Variants in CALN1 observed in about 807,000 individuals in gnomAD.
The protein encoded by CALN1 is calcium-binding protein 8.
A neutral mutation model predicts 30.6 loss-of-function variants in CALN1; 17 were observed. The observed-to-expected ratio is 0.56, with a 90% CI of 0.38 to 0.83. CALN1 has a LOEUF of 0.83. CALN1 is among the 40% of genes least tolerant of loss of function. The pLI, the probability that CALN1 is intolerant of heterozygous loss-of-function variation, is 0.00. For missense variants in CALN1, 291 were observed against 354.9 expected (o/e 0.82, Z 1.45); for synonymous variants, 156 against 131.4 (o/e 1.19, Z -1.28).
intron 5 of CALN1, among the ~76,000 whole-genome samples, chr7:71,823,186 C>G (rs28448269): frequency 7.1e-6 from 1 of 141,750 alleles, no homozygotes; most frequent in Non-Finnish European, 1.5e-5. Context: ...GTCTCTCTCT[C>G]TTTTTTTTTT....
the CALN1 span, among the ~76,000 whole-genome samples, chr7:72,485,945 T>C: frequency 2.6e-5 from 4 of 152,154 alleles, no homozygotes; most frequent in African/African-American, 7.2e-5. Flanking sequence ...AGTGAGCATA[T>C]GTTCTTTTTT....
intron 5 of CALN1, among the ~76,000 whole-genome samples, chr7:71,894,439 A>AT (rs148294764): frequency 6.6e-5 from 10 of 151,780 alleles, no homozygotes; most frequent in African/African-American, 1.2e-4. Context: ...TAATTTTTAA[A>AT]TTTTTTTTGT....
rs372145668 is a variant in CALN1, at chr7:72,412,296, G to T, written c.-312C>A. ...GTAAGCTTTATTAAGAAGCAGGAAA[G>T]AAAAAAACACAAACTCAAGCGGATA... is the stretch of plus-strand genomic sequence containing the variant. On this transcript the variant is annotated 5_prime_UTR_variant, in exon 1 of 7. Coordinates refer to ENST00000395275, the MANE Select transcript of CALN1 (RefSeq NM_031468.4). The T allele has an allele frequency of 1.3e-5, 2 of 152,106 alleles. No individual in the cohort carries two copies. Among genetic ancestry groups the T allele is most frequent in the Admixed American group, 1.3e-4 (2 of 15,274 alleles). The allele number at this position is 152,106 out of a possible 1,614,324, so 9.4% of individuals were successfully genotyped here.
chr7:72,500,277 T>TTTTTTTTTTTTTTG, the CALN1 span, among the ~76,000 whole-genome samples: 1 of 67,410 alleles, frequency 1.5e-5, no homozygotes, highest in Non-Finnish European at 3.0e-5. Context: ...TTCTTTTTTT[T>TTTTTTTTTTTTTTG]TTTTTTTTTT....
chr7:72,403,444 T>G lies in CALN1; in HGVS notation c.-73-2A>C. On this transcript the variant is annotated splice_acceptor_variant, in intron 1 of 6. Transcript: ENST00000395275. LOFTEE classifies it low-confidence loss of function (5UTR_SPLICE). ...AACGTCAGCGAAGGCACTGAGACTC[T>G]GAAAGGAGTTGACAGAAACTTACAG... 1 of 1,192,252 alleles carries G rather than the reference T, an allele frequency of 8.4e-7. No individual in the cohort carries two copies. The highest frequency in any genetic ancestry group is 1.2e-6 in the Non-Finnish European group (1 of 853,750). 73.9% of individuals were successfully genotyped at this position (1,192,252 alleles called of 1,614,324 possible). A position where few individuals can be genotyped will look rare whatever the true frequency, so the allele number is the denominator to read the frequency against.
intron 5 of CALN1, among the ~76,000 whole-genome samples, chr7:71,847,856 A>AAGAAGAACT (rs1554353779): frequency 6.6e-6 from 1 of 151,048 alleles, no homozygotes; most frequent in African/African-American, 2.4e-5. Context: ...GGAGAAGAAG[A>AAGAAGAACT]AGAGGAAAGT....
intron 5 of CALN1, among the ~76,000 whole-genome samples, chr7:71,985,765 T>C (rs551525359): frequency 6.6e-6 from 1 of 151,788 alleles, no homozygotes; most frequent in East Asian, 2.0e-4. Context: ...AATTTTTGTA[T>C]TTTTGATAGA....
chr7:71,852,458 G>A (rs1790702424), intron 5 of CALN1, among the ~76,000 whole-genome samples: 1 of 140,478 alleles, frequency 7.1e-6, no homozygotes, highest in Non-Finnish European at 1.5e-5. Flanking sequence ...GCATTATAGT[G>A]AGACCCTGTC....
At chr7:72,281,939 G>A (rs1797756441) in intron 2 of CALN1, among the ~76,000 whole-genome samples, 1 of 150,166 alleles carries the variant, frequency 6.7e-6, no homozygotes, top group Non-Finnish European at 1.5e-5. Context: ...ATTTGCTTCT[G>A]AAAAAAAAAG....
chr7:72,190,698 G>C (rs146387937), intron 3 of CALN1, among the ~76,000 whole-genome samples: 1 of 152,266 alleles, frequency 6.6e-6, no homozygotes, highest in East Asian at 1.9e-4. Context: ...TGAGTCCTTT[G>C]TACCTTGAAT....
chr7:72,241,679 C>T (rs10268300), intron 3 of CALN1, among the ~76,000 whole-genome samples: 112 of 151,998 alleles, frequency 7.4e-4, no homozygotes, highest in African/African-American at 2.7e-3. Flanking sequence ...GCACTCCAGC[C>T]TGGGCAATAA....
chr7:72,336,307 T>A (rs1254718353), intron 2 of CALN1, among the ~76,000 whole-genome samples: 1 of 151,774 alleles, frequency 6.6e-6, no homozygotes, highest in Non-Finnish European at 1.5e-5. Flanking sequence ...CTGCCCTCCC[T>A]CCCCATCGCC....
chr7:72,097,647 C>CAAAAAAA (rs10711051), intron 4 of CALN1, among the ~76,000 whole-genome samples: 1 of 130,270 alleles, frequency 7.7e-6, no homozygotes, highest in Non-Finnish European at 1.6e-5. Flanking sequence ...TATGTCTACC[C>CAAAAAAA]AAAAAAAAAA....
intron 2 of CALN1, among the ~76,000 whole-genome samples, chr7:72,351,109 G>A (rs1307597217): frequency 6.6e-6 from 1 of 152,024 alleles, no homozygotes; most frequent in Non-Finnish European, 1.5e-5. Context: ...CCATTGCACT[G>A]GGTGACAAAG....
At chr7:72,234,725 C>T (rs1008777848) in intron 3 of CALN1, among the ~76,000 whole-genome samples, 3 of 152,016 alleles carry the variant, frequency 2.0e-5, no homozygotes, top group African/African-American at 7.2e-5. Context: ...GGACTACAGG[C>T]GTGAGCCACC....
At chr7:71,927,729 T>G (rs1795340754) in intron 5 of CALN1, among the ~76,000 whole-genome samples, 1 of 152,200 alleles carries the variant, frequency 6.6e-6, no homozygotes, top group African/African-American at 2.4e-5. Context: ...AAGACAGGTC[T>G]CTGTTTTCCT....
intron 5 of CALN1, among the ~76,000 whole-genome samples, chr7:71,823,564 A>G (rs1482460233): frequency 1.3e-5 from 2 of 152,066 alleles, no homozygotes; most frequent in African/African-American, 4.8e-5. Context: ...CTAAAAATAT[A>G]AAAATTAGCC....
intron 3 of CALN1, among the ~76,000 whole-genome samples, chr7:72,200,371 A>G (rs1437502465): frequency 1.3e-5 from 2 of 152,164 alleles, no homozygotes; most frequent in South Asian, 2.1e-4. Flanking sequence ...TGCCTACCTC[A>G]TATTTTAAAA....
chr7:72,493,276 T>C, the CALN1 span, among the ~76,000 whole-genome samples: 1 of 152,196 alleles, frequency 6.6e-6, no homozygotes, highest in Non-Finnish European at 1.5e-5. Flanking sequence ...TCTTTTATGA[T>C]GACTAAATGG....
Sources: allele counts gnomAD v4.1 joint callset (sites outside exome capture counted in the v4.1 genomes callset), GRCh38; gene constraint gnomAD v4.1.1; transcripts MANE v1.5; gene names NCBI Gene and HGNC (gene_info 2026-07-23, HGNC 2026-07-21).